TEAD1: variants seen among roughly 807,000 people sequenced by gnomAD.
TEAD1 encodes the protein TEA domain transcription factor 1, also known as transcriptional enhancer factor TEF-1.
A neutral mutation model predicts 54.9 loss-of-function variants in TEAD1; 9 were observed. The observed-to-expected ratio is 0.16, with a 90% CI of 0.10 to 0.29. The LOEUF is 0.29. Among genes scored for constraint, TEAD1 ranks in the 10% least tolerant of loss-of-function variants. TEAD1 has a pLI of 1.00. For synonymous variants in TEAD1, 200 were observed against 187.8 expected (o/e 1.07, Z -0.53); for missense variants, 387 against 535.9 (o/e 0.72, Z 2.74).
intron 2 of TEAD1, among the ~76,000 whole-genome samples, chr11:12,704,718 T>C (rs1246707063): frequency 2.0e-5 from 3 of 152,248 alleles, no homozygotes; most frequent in Non-Finnish European, 4.4e-5. Context: ...CTTTGTATCC[T>C]GCTTGGCATG....
chr11:12,783,136 G>GCA (rs1945598333), intron 3 of TEAD1, among the ~76,000 whole-genome samples: 1 of 147,236 alleles, frequency 6.8e-6, no homozygotes. Context: ...GTGTGTGTGC[G>GCA]CGCACTTTCT....
At chr11:12,730,541 G>A (rs1017310068) in intron 2 of TEAD1, among the ~76,000 whole-genome samples, 1 of 150,334 alleles carries the variant, frequency 6.7e-6, no homozygotes, top group Non-Finnish European at 1.5e-5. Context: ...GAGAAATAGA[G>A]GTGTTGTGGT....
intron 10 of TEAD1, among the ~76,000 whole-genome samples, chr11:12,923,799 A>G (rs1948857572): frequency 6.6e-6 from 1 of 152,228 alleles, no homozygotes; most frequent in Non-Finnish European, 1.5e-5. Context: ...CCCATATGCA[A>G]GGGCAGAGGC....
intron 2 of TEAD1, among the ~76,000 whole-genome samples, chr11:12,713,738 C>T (rs575848892): frequency 1.3e-5 from 2 of 152,302 alleles, no homozygotes; most frequent in East Asian, 1.9e-4. Context: ...TTAGTTAGAG[C>T]AGCGTCTCAG....
intron 3 of TEAD1, among the ~76,000 whole-genome samples, chr11:12,832,147 T>C (rs1946797222): frequency 6.6e-6 from 1 of 152,138 alleles, no homozygotes; most frequent in Non-Finnish European, 1.5e-5. Context: ...CAAAATATAT[T>C]AGGTTACAGG....
intron 12 of TEAD1, among the ~76,000 whole-genome samples, chr11:12,930,613 G>A (rs1252906113): frequency 6.6e-6 from 1 of 152,204 alleles, no homozygotes; most frequent in Non-Finnish European, 1.5e-5. Context: ...TCTGGCTGCA[G>A]AGTAGAAAGG....
intron 6 of TEAD1, among the ~76,000 whole-genome samples, chr11:12,880,709 GC>G (rs1316427845): frequency 2.6e-5 from 4 of 152,216 alleles, no homozygotes; most frequent in Admixed American, 2.0e-4. Flanking sequence ...ATATTGGTGA[GC>G]CCCCTGCAGC....
chr11:12,718,861 G>A (rs1944120215), intron 2 of TEAD1, among the ~76,000 whole-genome samples: 1 of 151,958 alleles, frequency 6.6e-6, no homozygotes, highest in African/African-American at 2.4e-5. Context: ...AATTTTACCT[G>A]CTTAAATCTC....
At chr11:12,877,474 G>A (rs1424288344) in intron 5 of TEAD1, among the ~76,000 whole-genome samples, 2 of 152,150 alleles carry the variant, frequency 1.3e-5, no homozygotes, top group Non-Finnish European at 2.9e-5. Flanking sequence ...CCAACATGGT[G>A]AAACCCCATC....
chr11:12,695,865 A>G (rs2133830819), intron 2 of TEAD1, among the ~76,000 whole-genome samples: 2 of 152,294 alleles, frequency 1.3e-5, no homozygotes, highest in South Asian at 4.1e-4. Context: ...GTGTCTCCCC[A>G]ACCCTTGCAT....
intron 12 of TEAD1, among the ~76,000 whole-genome samples, chr11:12,931,731 A>G (rs1156665924): frequency 6.6e-6 from 1 of 152,242 alleles, no homozygotes; most frequent in African/African-American, 2.4e-5. Context: ...AATATTTAAC[A>G]ATAATTTTTA....
chr11:12,864,660 TCC>T, intron 4 of TEAD1, 176 bp from the exon 5 acceptor site: 1 of 1,467,448 alleles, frequency 6.8e-7, no homozygotes, highest in Non-Finnish European at 9.0e-7. Context: ...TTGTTTTGTT[TCC>T]CCTCATAAAC....
intron 2 of TEAD1, among the ~76,000 whole-genome samples, chr11:12,733,696 C>T (rs1019316143): frequency 6.6e-6 from 1 of 152,140 alleles, no homozygotes; most frequent in East Asian, 1.9e-4. Flanking sequence ...GATGCATGCC[C>T]TTGTGCATGC....
intron 5 of TEAD1, among the ~76,000 whole-genome samples, chr11:12,877,159 G>T (rs537043758): frequency 7.9e-4 from 120 of 152,296 alleles, no homozygotes; most frequent in African/African-American, 2.9e-3. Context: ...GGAGATAACA[G>T]CAGCAAAAGG....
intron 10 of TEAD1, 56 bp downstream of exon 10, chr11:12,902,169 T>TA (rs1948436085): frequency 6.2e-7 from 1 of 1,604,930 alleles, no homozygotes; most frequent in African/African-American, 1.3e-5. Flanking sequence ...TCACATCTCT[T>TA]ACATGAGCAC....
intron 2 of TEAD1, among the ~76,000 whole-genome samples, chr11:12,702,950 A>G (rs1943734702): frequency 6.6e-6 from 1 of 152,218 alleles, no homozygotes; most frequent in Non-Finnish European, 1.5e-5. Flanking sequence ...CTGGAGGCAC[A>G]GAGAAGTTAA....
chr11:12,739,631 A>G (rs1010775173), intron 2 of TEAD1, among the ~76,000 whole-genome samples: 1 of 152,216 alleles, frequency 6.6e-6, no homozygotes, highest in Middle Eastern at 3.2e-3. Flanking sequence ...TCAAGGCTGG[A>G]TAATATTCAA....
At chr11:12,681,079 C>G (rs1943210946) in intron 2 of TEAD1, among the ~76,000 whole-genome samples, 1 of 152,136 alleles carries the variant, frequency 6.6e-6, no homozygotes, top group Admixed American at 6.5e-5. Context: ...CATCTCAAAG[C>G]CTTTGAGAGA....
intron 3 of TEAD1, among the ~76,000 whole-genome samples, chr11:12,860,007 A>G (rs1267155235): frequency 6.6e-6 from 1 of 152,216 alleles, no homozygotes; most frequent in East Asian, 1.9e-4. Flanking sequence ...GAGCACTGCC[A>G]CAGTTCTGGA....
Sources: gnomAD v4.1 joint callset for allele counts (sites outside exome capture counted in the v4.1 genomes callset) on GRCh38, gnomAD v4.1.1 for gene constraint, MANE v1.5 for transcripts, NCBI Gene and HGNC (gene_info 2026-07-23, HGNC 2026-07-21) for gene names.